Variants in CAST observed in about 807,000 individuals in gnomAD.
CAST encodes MIR583 host.
In CAST, 76 loss-of-function variants were observed where a neutral mutation model predicts 119.6. The observed-to-expected ratio is 0.64, with a 90% confidence interval of 0.53 to 0.77. The LOEUF is 0.77. Among genes scored for constraint, CAST ranks in the 30% least tolerant of loss-of-function variants. The pLI is 0.00. For synonymous variants in CAST, 319 were observed against 331.6 expected (o/e 0.96, Z 0.41); for missense variants, 953 against 946.5 (o/e 1.01, Z -0.09).
At chr5:96,556,218 A>G (rs1328449016) in intron 1 of CAST, among the ~76,000 whole-genome samples, 1 of 152,236 alleles carries the variant, frequency 6.6e-6, no homozygotes, top group Admixed American at 6.5e-5. Context: ...GTACATCTGC[A>G]TCATCAAAGA....
At chr5:96,658,772 C>T (rs1161970519), upstream of CAST, among the ~76,000 whole-genome samples, 1 of 152,186 alleles carries the variant, frequency 6.6e-6, no homozygotes, top group Non-Finnish European at 1.5e-5. Flanking sequence ...TTATCATCCA[C>T]AGGTAACAGG....
the CAST span, among the ~76,000 whole-genome samples, chr5:96,400,717 CTA>C: frequency 6.6e-6 from 1 of 152,162 alleles, no homozygotes; most frequent in African/African-American, 2.4e-5. Context: ...AAACTCTTAG[CTA>C]TTTGAGCTCA....
chr5:96,185,937 A>G, the CAST span, among the ~76,000 whole-genome samples: 4 of 152,040 alleles, frequency 2.6e-5, no homozygotes, highest in Non-Finnish European at 5.9e-5. Context: ...AAATTACTTG[A>G]AGCAGTATGG....
the CAST span, among the ~76,000 whole-genome samples, chr5:95,967,365 C>T: frequency 6.6e-6 from 1 of 151,774 alleles, no homozygotes; most frequent in Non-Finnish European, 1.5e-5. Context: ...ATGATCCTTC[C>T]TATGAATAGA....
chr5:96,740,184 AT>A, intron 12 of CAST, 66 bp downstream of exon 12: 1 of 770,288 alleles, frequency 1.3e-6, no homozygotes, highest in Non-Finnish European at 2.2e-6. Context: ...TCATGTCAAT[AT>A]TTTTACAGTG....
At chr5:96,404,449 G>A in the CAST span, among the ~76,000 whole-genome samples, 1 of 152,156 alleles carries the variant, frequency 6.6e-6, no homozygotes, top group African/African-American at 2.4e-5. Context: ...TTTGGGGAAG[G>A]AAAGTATTTC....
intron 3 of CAST, among the ~76,000 whole-genome samples, chr5:96,713,160 G>T (rs1481965719): frequency 6.7e-6 from 1 of 148,892 alleles, no homozygotes; most frequent in Non-Finnish European, 1.5e-5. Context: ...TGAGATGGAG[G>T]CTTGCTCTGT....
At chr5:96,582,763 A>G (rs994929724) in intron 1 of CAST, among the ~76,000 whole-genome samples, 1 of 152,206 alleles carries the variant, frequency 6.6e-6, no homozygotes, top group African/African-American at 2.4e-5. Flanking sequence ...TTTTTAAAAA[A>G]CTAATTAAAA....
At chr5:96,393,292 C>T in the CAST span, 3 of 1,613,968 alleles carry the variant, frequency 1.9e-6, no homozygotes, top group Admixed American at 3.3e-5. Context: ...CCTCCTCCAA[C>T]TCATCCCTCC....
the CAST span, among the ~76,000 whole-genome samples, chr5:96,289,322 T>C: frequency 6.6e-6 from 1 of 152,160 alleles, no homozygotes; most frequent in Non-Finnish European, 1.5e-5. Flanking sequence ...GGAATTCTAA[T>C]CCTGGCTGAT....
the CAST span, among the ~76,000 whole-genome samples, chr5:96,519,514 T>C: frequency 6.6e-6 from 1 of 152,214 alleles, no homozygotes; most frequent in African/African-American, 2.4e-5. Flanking sequence ...TTCCTTTTAA[T>C]TGAAAGTTTG....
the CAST span, among the ~76,000 whole-genome samples, chr5:96,296,449 C>A: frequency 6.6e-6 from 1 of 152,140 alleles, no homozygotes; most frequent in Non-Finnish European, 1.5e-5. Flanking sequence ...GTATTAAATT[C>A]ATAAGATATT....
intron 1 of CAST, among the ~76,000 whole-genome samples, chr5:96,548,887 A>C (rs1746068411): frequency 6.6e-6 from 1 of 152,248 alleles, no homozygotes; most frequent in African/African-American, 2.4e-5. Flanking sequence ...GACCAGAGTT[A>C]GTTCATAGCT....
At chr5:96,276,070 C>T in the CAST span, among the ~76,000 whole-genome samples, 7 of 152,144 alleles carry the variant, frequency 4.6e-5, no homozygotes, top group Non-Finnish European at 7.4e-5. Context: ...CCTAACCCAC[C>T]ATGTTTACAT....
At chr5:96,497,974 C>T in the CAST span, among the ~76,000 whole-genome samples, 1 of 152,188 alleles carries the variant, frequency 6.6e-6, no homozygotes, top group Non-Finnish European at 1.5e-5. Flanking sequence ...AGGTTTTCTT[C>T]TAGGGTTTTT....
intron 1 of CAST, among the ~76,000 whole-genome samples, chr5:96,575,076 T>A (rs114900746): frequency 0.021 from 3,162 of 152,256 alleles, 106 homozygotes; most frequent in African/African-American, 0.064. Flanking sequence ...ATTTAGTTTT[T>A]AAAAGATTTA....
rs984038615 is a variant in CAST, at chr5:96,731,442, T to C, written c.630+582T>C. ...TCTACCTTTTCTACCCATAGCAATATAGAATTTTTTTTTTTACCTTATCCT... is the reference window on the plus strand; with the variant it reads ...TCTACCTTTTCTACCCATAGCAATACAGAATTTTTTTTTTTACCTTATCCT... On this transcript the variant is annotated intron_variant, in intron 9 of 31. Transcript: ENST00000675179. Among the ~76,000 whole-genome samples, 9 of 151,374 alleles carry C rather than the reference T, an allele frequency of 5.9e-5. No individual in the cohort carries two copies. The East Asian group carries it at 1.7e-3, about 29-fold the overall frequency.
chr5:96,309,040 G>T, the CAST span, among the ~76,000 whole-genome samples: 2 of 152,222 alleles, frequency 1.3e-5, no homozygotes, highest in Admixed American at 1.3e-4. Context: ...ATTTAAGTCT[G>T]CTGAAGCTGT....
the CAST span, among the ~76,000 whole-genome samples, chr5:96,425,180 T>C: frequency 6.6e-6 from 1 of 152,246 alleles, no homozygotes; most frequent in South Asian, 2.1e-4. Flanking sequence ...TATAAAATTC[T>C]CAACAACAAA....
Sources: gnomAD v4.1 joint callset for allele counts (sites outside exome capture counted in the v4.1 genomes callset) on GRCh38, gnomAD v4.1.1 for gene constraint, MANE v1.5 for transcripts, NCBI Gene and HGNC (gene_info 2026-07-23, HGNC 2026-07-21) for gene names.